GPC6: variants seen among roughly 807,000 people sequenced by gnomAD.
GPC6 encodes the protein glypican 6, also known as glypican-6.
Under a neutral mutation model 55.2 loss-of-function variants are expected in GPC6, and 14 were observed. The observed-to-expected ratio is 0.25, with a 90% CI of 0.17 to 0.40. GPC6 has a LOEUF of 0.40. Among genes scored for constraint, GPC6 ranks in the 10% least tolerant of loss-of-function variants. The pLI is 1.00. For missense variants in GPC6, 641 were observed against 708.5 expected, an observed-to-expected ratio of 0.90 and a Z score of 1.08; for synonymous variants, 278 against 259.6, an observed-to-expected ratio of 1.07 and a Z score of -0.68.
intron 1 of GPC6, among the ~76,000 whole-genome samples, chr13:93,336,341 A>G (rs907138694): frequency 6.6e-6 from 1 of 152,222 alleles, no homozygotes; most frequent in African/African-American, 2.4e-5. Flanking sequence ...TTCCCCTGGT[A>G]GGGTTCCCCT....
At chr13:93,231,407 ATATATATATATATATACG>A (rs1876048569) in intron 1 of GPC6, among the ~76,000 whole-genome samples, 1 of 39,468 alleles carries the variant, frequency 2.5e-5, no homozygotes, top group African/African-American at 1.2e-4. Flanking sequence ...GTATATATAT[ATATATATATATATATACG>A]TATATATATA....
At chr13:93,940,454 A>G (rs1878679529) in intron 3 of GPC6, among the ~76,000 whole-genome samples, 1 of 152,086 alleles carries the variant, frequency 6.6e-6, no homozygotes, top group Middle Eastern at 3.4e-3. Flanking sequence ...GGATGAATGG[A>G]TGAATATCAG....
intron 1 of GPC6, among the ~76,000 whole-genome samples, chr13:93,302,280 A>C: frequency 6.6e-6 from 1 of 152,096 alleles, no homozygotes; most frequent in Admixed American, 6.5e-5. Context: ...TTGATGGTAA[A>C]AGTCTTTAAT....
intron 2 of GPC6, among the ~76,000 whole-genome samples, chr13:93,677,143 G>A (rs923016844): frequency 1.3e-5 from 2 of 152,114 alleles, no homozygotes; most frequent in East Asian, 1.9e-4. Context: ...GTGTTAGATT[G>A]AAGCAATAGT....
At chr13:93,270,647 C>G (rs1023836377) in intron 1 of GPC6, among the ~76,000 whole-genome samples, 1 of 151,228 alleles carries the variant, frequency 6.6e-6, no homozygotes, top group Non-Finnish European at 1.5e-5. Flanking sequence ...TTATACCAGG[C>G]TCCCATACAT....
intron 4 of GPC6, among the ~76,000 whole-genome samples, chr13:94,069,965 T>C (rs1884666453): frequency 6.6e-6 from 1 of 152,240 alleles, no homozygotes; most frequent in African/African-American, 2.4e-5. Context: ...TCCACATTTT[T>C]GGGTATCTTT....
upstream of GPC6, among the ~76,000 whole-genome samples, chr13:93,225,010 A>G (rs1365269578): frequency 6.6e-6 from 1 of 152,224 alleles, no homozygotes; most frequent in Admixed American, 6.5e-5. Flanking sequence ...TTGAGTGCTC[A>G]TTCAATACTT....
intron 1 of GPC6, among the ~76,000 whole-genome samples, chr13:93,514,293 C>G (rs2590521): frequency 0.94 from 143,431 of 152,150 alleles, 68,170 homozygotes; most frequent in East Asian, 1. Context: ...GAGAGCCTTA[C>G]TGCACTCAAT....
rs149436575 is a variant in GPC6 at position 93,989,531 on chromosome 13, G to C, written c.712-38198G>C. 3.1e-3 allele frequency among the ~76,000 whole-genome samples: 466 copies of C among 152,260 alleles called. 3 individuals are homozygous for C. The highest frequency in any genetic ancestry group is 0.011 in the African/African-American group (451 of 41,560). ...ATTCACAGTGACTTTCTAGAACACA[G>C]TTTTTAAAAGGATTCTAAGATAAAG... On this transcript the variant is annotated intron_variant, in intron 3 of 8. Coordinates refer to ENST00000377047, the MANE Select transcript of GPC6 (RefSeq NM_005708.5).
intron 1 of GPC6, among the ~76,000 whole-genome samples, chr13:93,312,871 T>G (rs960044346): frequency 5.9e-5 from 9 of 152,300 alleles, no homozygotes; most frequent in Admixed American, 2.6e-4. Flanking sequence ...TTGATTTTAA[T>G]GATATTCTAT....
chr13:93,247,349 AC>A (rs1876639060), intron 1 of GPC6, among the ~76,000 whole-genome samples: 1 of 152,236 alleles, frequency 6.6e-6, no homozygotes, highest in African/African-American at 2.4e-5. Flanking sequence ...ATTCTAAAGT[AC>A]TAACAATCTG....
chr13:93,503,187 T>C (rs1440098372), intron 1 of GPC6, among the ~76,000 whole-genome samples: 9 of 152,176 alleles, frequency 5.9e-5, no homozygotes, highest in Non-Finnish European at 1.3e-4. Flanking sequence ...ACCCATTTTA[T>C]AACAGGAAAG....
chr13:93,831,695 G>A (rs1474485690), intron 3 of GPC6, among the ~76,000 whole-genome samples: 3 of 152,012 alleles, frequency 2.0e-5, no homozygotes, highest in Admixed American at 6.6e-5. Flanking sequence ...TTTCCTAAAC[G>A]TTTATTTGAG....
chr13:93,344,216 A>G (rs1230081183), intron 1 of GPC6, among the ~76,000 whole-genome samples: 1 of 152,192 alleles, frequency 6.6e-6, no homozygotes, highest in East Asian at 1.9e-4. Flanking sequence ...TTCTGTGGTC[A>G]AACTGGCCCC....
chr13:94,095,167 C>A (rs1885616267), intron 4 of GPC6, among the ~76,000 whole-genome samples: 2 of 151,680 alleles, frequency 1.3e-5, no homozygotes, highest in Non-Finnish European at 2.9e-5. Context: ...ATCGAAGGAC[C>A]CAAAGAGAAA....
intron 2 of GPC6, among the ~76,000 whole-genome samples, chr13:93,669,239 A>C (rs148853294): frequency 6.6e-6 from 1 of 152,188 alleles, no homozygotes; most frequent in Non-Finnish European, 1.5e-5. Flanking sequence ...ATTGTATTGC[A>C]ATGCCGGGGA....
At chr13:93,237,458 T>G (rs1876276429) in intron 1 of GPC6, among the ~76,000 whole-genome samples, 1 of 152,210 alleles carries the variant, frequency 6.6e-6, no homozygotes. Context: ...TCCTTGTAGA[T>G]TATAGATATT....
intron 1 of GPC6, among the ~76,000 whole-genome samples, chr13:93,508,273 G>C (rs1880812540): frequency 6.6e-6 from 1 of 152,166 alleles, no homozygotes; most frequent in Non-Finnish European, 1.5e-5. Context: ...GTTATAGAAG[G>C]CCTCCCTTTT....
chr13:93,595,659 A>G (rs890952282), intron 2 of GPC6, among the ~76,000 whole-genome samples: 1 of 152,190 alleles, frequency 6.6e-6, no homozygotes, highest in Non-Finnish European at 1.5e-5. Flanking sequence ...TTCTGATTGT[A>G]CATAAAAAGA....
Sources: gnomAD v4.1 joint callset for allele counts (sites outside exome capture counted in the v4.1 genomes callset) on GRCh38, gnomAD v4.1.1 for gene constraint, MANE v1.5 for transcripts, NCBI Gene and HGNC (gene_info 2026-07-23, HGNC 2026-07-21) for gene names.